Variants in TYW1B observed in about 807,000 individuals in gnomAD.
The protein encoded by TYW1B is S-adenosyl-L-methionine-dependent tRNA 4-demethylwyosine synthase TYW1B.
Under a neutral mutation model 86.9 loss-of-function variants are expected in TYW1B, and 73 were observed. The observed-to-expected ratio is 0.84, with a 90% CI of 0.70 to 1.02. The LOEUF is 1.02. TYW1B is among the 50% of genes least tolerant of loss of function. The probability of loss-of-function intolerance (pLI) is 0.00; values close to 1 mark genes in which losing one functional copy is unlikely to be tolerated. For missense variants in TYW1B, 637 were observed against 827.4 expected (o/e 0.77, Z 2.82); for synonymous variants, 248 against 292.8 (o/e 0.85, Z 1.56).
intron 8 of TYW1B, among the ~76,000 whole-genome samples, chr7:72,730,030 C>G (rs558189898): frequency 6.6e-6 from 1 of 152,140 alleles, no homozygotes; most frequent in Non-Finnish European, 1.5e-5. Context: ...GTCTAGAGGA[C>G]AAGTCAAAGC....
intron 7 of TYW1B, among the ~76,000 whole-genome samples, chr7:72,776,549 T>C (rs1787957422): frequency 1.5e-5 from 1 of 68,598 alleles, no homozygotes; most frequent in Non-Finnish European, 2.7e-5. Flanking sequence ...TGAGAGAGAC[T>C]CTGTCTCAAA....
rs10630508 is a variant in TYW1B, at chr7:72,786,573, CTTT to C, written c.847-9043_847-9041del. Among the ~76,000 whole-genome samples, 484 of 107,436 alleles carry C rather than the reference CTTT, an allele frequency of 4.5e-3. 1 individual carries two copies. The highest frequency in any genetic ancestry group is 5.3e-3 in the Non-Finnish European group (274 of 51,530). 70.5% of individuals were successfully genotyped at this position (107,436 alleles called of 152,430 possible). A position where few individuals can be genotyped will look rare whatever the true frequency, so the allele number is the denominator to read the frequency against. ...AAACAAAGTTTTTAAATTCTTTTTTCTTTTTTTTTTTTTTTTTTTTGAGATAGG... is the reference window on the plus strand; with the variant it reads ...AAACAAAGTTTTTAAATTCTTTTTTCTTTTTTTTTTTTTTTTTGAGATAGG... On this transcript the variant is annotated intron_variant, in intron 6 of 13. Transcript: ENST00000620995.
At chr7:72,735,709 A>C (rs575256279) in intron 8 of TYW1B, among the ~76,000 whole-genome samples, 1 of 152,150 alleles carries the variant, frequency 6.6e-6, no homozygotes, top group Non-Finnish European at 1.5e-5. Flanking sequence ...ACCTCTACTA[A>C]AAATACAAAA....
intron 9 of TYW1B, among the ~76,000 whole-genome samples, chr7:72,719,631 C>CAAAA (rs67560586): frequency 8.9e-4 from 57 of 64,298 alleles, no homozygotes; most frequent in Non-Finnish European, 9.3e-4. Context: ...ATTCCGTCTC[C>CAAAA]AAAAAAAAAA....
At chr7:72,817,813 T>C (rs1434471625) in intron 2 of TYW1B, among the ~76,000 whole-genome samples, 2 of 152,104 alleles carry the variant, frequency 1.3e-5, no homozygotes, top group African/African-American at 4.8e-5. Context: ...CCAGGTACCC[T>C]TTGGAGGCTT....
chr7:72,764,720 G>A (rs1422854776), intron 7 of TYW1B, among the ~76,000 whole-genome samples: 7 of 152,226 alleles, frequency 4.6e-5, no homozygotes, highest in East Asian at 3.9e-4. Context: ...ACGGTACTGC[G>A]TCTGACTCCA....
At chr7:72,725,876 C>T (rs1786989530) in intron 9 of TYW1B, among the ~76,000 whole-genome samples, 1 of 152,112 alleles carries the variant, frequency 6.6e-6, no homozygotes, top group Non-Finnish European at 1.5e-5. Flanking sequence ...GTCTCTCTCT[C>T]TCCCCTCACA....
intron 11 of TYW1B, among the ~76,000 whole-genome samples, chr7:72,630,391 G>C (rs1451487206): frequency 6.6e-6 from 1 of 152,026 alleles, no homozygotes; most frequent in African/African-American, 2.4e-5. Flanking sequence ...AAAGGTGATG[G>C]GATGTATGTG....
intron 10 of TYW1B, among the ~76,000 whole-genome samples, chr7:72,708,300 G>GA (rs1182557069): frequency 1.3e-4 from 20 of 151,090 alleles, no homozygotes; most frequent in Non-Finnish European, 2.5e-4. Context: ...CAGTTACTTA[G>GA]AAAAAAAAAT....
chr7:72,632,413 ATATATATATAAAATATATATATACG>A lies in TYW1B; in HGVS notation c.1507-3441_1507-3417del, dbSNP rs1563038823. Among the ~76,000 whole-genome samples, 455 of 84,048 alleles carry A rather than the reference ATATATATATAAAATATATATATACG, an allele frequency of 5.4e-3. 7 individuals carry two copies. Among genetic ancestry groups the A allele is most frequent in the African/African-American group, 0.029 (386 of 13,380 alleles). 55.1% of individuals were successfully genotyped at this position (84,048 alleles called of 152,430 possible). A position where few individuals can be genotyped will look rare whatever the true frequency, so the allele number is the denominator to read the frequency against. On this transcript the variant is annotated intron_variant, in intron 11 of 13. Coordinates refer to ENST00000620995, the MANE Select transcript of TYW1B (RefSeq NM_001145440.3). ...GTATATATATATAATATATATATACATATATATATAAAATATATATATACGTATATATATAAAATATATATATACA... is the reference window on the plus strand; with the variant it reads ...GTATATATATATAATATATATATACATATATATATAAAATATATATATACA...
chr7:72,787,859 A>C (rs376767046), intron 6 of TYW1B, among the ~76,000 whole-genome samples: 1 of 152,198 alleles, frequency 6.6e-6, no homozygotes, highest in Non-Finnish European at 1.5e-5. Context: ...TTTCATATAC[A>C]ACAACTCTAT....
intron 6 of TYW1B, among the ~76,000 whole-genome samples, chr7:72,778,287 C>G (rs1554471000): frequency 6.6e-6 from 1 of 152,160 alleles, no homozygotes; most frequent in African/African-American, 2.4e-5. Flanking sequence ...CACAACACAA[C>G]ACCTGATGTA....
rs1787467783 is a variant in TYW1B, at chr7:72,749,890, T to C, written c.965-5289A>G. ...AGATACGTTTAATTCTCATTTTCAT[T>C]AATTCTATGTTGGTTTTTTTTGTTT... On this transcript the variant is annotated intron_variant, in intron 7 of 13. Transcript: ENST00000620995. Among the ~76,000 whole-genome samples the C allele has an allele frequency of 1.3e-5, 2 of 148,366 alleles. 1 individual carries two copies. Among genetic ancestry groups the C allele is most frequent in the South Asian group, 4.2e-4 (2 of 4,726 alleles).
At chr7:72,676,221 T>C (rs1424046787) in intron 11 of TYW1B, among the ~76,000 whole-genome samples, 6 of 152,202 alleles carry the variant, frequency 3.9e-5, no homozygotes, top group Non-Finnish European at 7.3e-5. Flanking sequence ...AACAGCTCTG[T>C]GACCTTCAAT....
At chr7:72,631,548 T>G (rs781849952) in intron 11 of TYW1B, among the ~76,000 whole-genome samples, 1 of 152,120 alleles carries the variant, frequency 6.6e-6, no homozygotes, top group Non-Finnish European at 1.5e-5. Context: ...GCATTTCTAT[T>G]TAGTTGGACT....
At chr7:72,826,024 A>G (rs1554481367) in intron 2 of TYW1B, among the ~76,000 whole-genome samples, 1 of 152,240 alleles carries the variant, frequency 6.6e-6, no homozygotes, top group African/African-American at 2.4e-5. Flanking sequence ...GTTCACTGCT[A>G]AAGTTCACTG....
intron 6 of TYW1B, among the ~76,000 whole-genome samples, chr7:72,794,006 T>C (rs1177192731): frequency 1.3e-5 from 2 of 152,172 alleles, no homozygotes; most frequent in African/African-American, 4.8e-5. Flanking sequence ...GATTACAGAT[T>C]GACGTACGGC....
At chr7:72,741,189 T>C (rs1420144963) in intron 8 of TYW1B, among the ~76,000 whole-genome samples, 14 of 151,916 alleles carry the variant, frequency 9.2e-5, no homozygotes, top group Non-Finnish European at 1.8e-4. Flanking sequence ...TTAAACATGC[T>C]CAAAGAGCTA....
chr7:72,692,141 T>C (rs577939245), intron 11 of TYW1B, among the ~76,000 whole-genome samples: 1 of 132,968 alleles, frequency 7.5e-6, no homozygotes, highest in South Asian at 2.3e-4. Context: ...GGGAGGTAGA[T>C]GTTGCAGTGA....
Sources: allele counts gnomAD v4.1 joint callset (sites outside exome capture counted in the v4.1 genomes callset), GRCh38; gene constraint gnomAD v4.1.1; transcripts MANE v1.5; gene names NCBI Gene and HGNC (gene_info 2026-07-23, HGNC 2026-07-21).